DIS3L2: variants seen among roughly 807,000 people sequenced by gnomAD.
The protein encoded by DIS3L2 is DIS3-like exonuclease 2.
A neutral mutation model predicts 97.5 loss-of-function variants in DIS3L2; 34 were observed. The ratio of observed to expected loss-of-function variants is 0.35; its 90% CI spans 0.27 to 0.46. The LOEUF is 0.46. Among genes scored for constraint, DIS3L2 ranks in the 20% least tolerant of loss-of-function variants. DIS3L2 has a pLI of 1.00. For synonymous variants in DIS3L2, 435 were observed against 445.2 expected, an observed-to-expected ratio of 0.98 and a Z score of 0.29; for missense variants, 1,038 against 1,146.0, an observed-to-expected ratio of 0.91 and a Z score of 1.36.
At chr2:232,102,653 A>T (rs1229443247) in intron 6 of DIS3L2, among the ~76,000 whole-genome samples, 1 of 152,232 alleles carries the variant, frequency 6.6e-6, no homozygotes, top group East Asian at 1.9e-4. Context: ...TAATTGGTGA[A>T]TCAATAGGTG....
chr2:232,341,541 T>A (rs572890440), downstream of DIS3L2, among the ~76,000 whole-genome samples: 2 of 152,310 alleles, frequency 1.3e-5, no homozygotes, highest in African/African-American at 4.8e-5. Flanking sequence ...GTCATCACCA[T>A]AGAAATGCCG....
intron 8 of DIS3L2, 36 bp downstream of exon 8, chr2:232,136,755 A>G: frequency 1.2e-6 from 2 of 1,606,810 alleles, no homozygotes; most frequent in Non-Finnish European, 1.7e-6. Flanking sequence ...CACAGGTCAC[A>G]GGCAGAACTC....
rs772769946 is a variant in DIS3L2, at chr2:232,336,463, G to A, written c.2497-6G>A. The stretch of plus-strand genomic sequence containing the variant: ...CCTTGTCCCCTCACGGCTGGGCTCT[G>A]CACAGGTCATCACCATCTTCAGCCT... On this transcript the variant is annotated splice_polypyrimidine_tract_variant and splice_region_variant and intron_variant, in intron 20 of 20. Coordinates refer to ENST00000325385, the MANE Select transcript of DIS3L2 (RefSeq NM_152383.5). The A allele has an allele frequency of 6.2e-7, 1 of 1,608,516 alleles. No individual in the cohort carries two copies. The highest frequency in any genetic ancestry group is 8.5e-7 in the Non-Finnish European group (1 of 1,178,176).
chr2:232,121,230 G>C (rs576754400), intron 6 of DIS3L2, among the ~76,000 whole-genome samples: 3 of 152,264 alleles, frequency 2.0e-5, no homozygotes, highest in African/African-American at 7.2e-5. Context: ...AGGCCACACT[G>C]CTGACTACAC....
chr2:232,002,608 C>T (rs1358236831), intron 1 of DIS3L2, among the ~76,000 whole-genome samples: 1 of 152,102 alleles, frequency 6.6e-6, no homozygotes, highest in Non-Finnish European at 1.5e-5. Context: ...CATTTTTAGG[C>T]CATTTCCCCC....
chr2:232,274,564 A>G (rs1417002244), intron 13 of DIS3L2, among the ~76,000 whole-genome samples: 1 of 152,220 alleles, frequency 6.6e-6, no homozygotes, highest in Non-Finnish European at 1.5e-5. Context: ...TGCGAAGGCC[A>G]GAATCCTTTT....
chr2:232,181,270 G>A (rs998467024), intron 9 of DIS3L2, among the ~76,000 whole-genome samples: 27 of 151,822 alleles, frequency 1.8e-4, no homozygotes, highest in African/African-American at 2.9e-4. Flanking sequence ...CTACTTTGGC[G>A]AATCTGACAA....
chr2:231,972,046 G>A (rs1379259143), intron 1 of DIS3L2, among the ~76,000 whole-genome samples: 1 of 151,596 alleles, frequency 6.6e-6, no homozygotes, highest in Non-Finnish European at 1.5e-5. Context: ...TTAGCAGGGC[G>A]TGGTGGTGTG....
intron 5 of DIS3L2, among the ~76,000 whole-genome samples, chr2:232,034,097 C>T (rs1440716797): frequency 6.6e-6 from 1 of 152,142 alleles, no homozygotes; most frequent in Non-Finnish European, 1.5e-5. Context: ...CCATCTGGTC[C>T]TGGGCCTTTT....
Position 232,293,504 on chromosome 2 carries a change from G to A in DIS3L2, c.1660-6536G>A, listed in dbSNP as rs1694652443. Among the ~76,000 whole-genome samples the A allele has an allele frequency of 6.6e-6, 1 of 152,184 alleles. No individual in the cohort carries two copies. The highest frequency in any genetic ancestry group is 1.5e-5 in the Non-Finnish European group (1 of 68,026). The stretch of plus-strand genomic sequence containing the variant: ...AAGGGCTCCCCTGGAAGCAGGTGGA[G>A]CATGAGGAAGGGCACAGAGGCCTAA... On this transcript the variant is annotated intron_variant, in intron 13 of 20. Transcript: ENST00000325385. This position sits in a 1 kb window ranked among gnomAD's most constrained non-coding sequence, Gnocchi z 4.6.
intron 14 of DIS3L2, among the ~76,000 whole-genome samples, chr2:232,316,812 A>G (rs1466012563): frequency 6.6e-6 from 1 of 152,238 alleles, no homozygotes; most frequent in East Asian, 1.9e-4. Flanking sequence ...TTTAATCTAA[A>G]TCTGTTTCCT....
At chr2:232,164,020 C>G (rs1435014856) in intron 9 of DIS3L2, among the ~76,000 whole-genome samples, 1 of 152,160 alleles carries the variant, frequency 6.6e-6, no homozygotes, top group Non-Finnish European at 1.5e-5. Flanking sequence ...TTAGTTGCAA[C>G]CAAGACCATA....
chr2:232,210,322 C>T lies in DIS3L2; in HGVS notation c.1125-4C>T. On this transcript the variant is annotated splice_polypyrimidine_tract_variant and splice_region_variant and intron_variant, in intron 9 of 20. Coordinates refer to ENST00000325385, the MANE Select transcript of DIS3L2 (RefSeq NM_152383.5). ...TTGCTAATTGTTTCTTCACTCTTTCCTAGAAAAGACTGTATCTTCACCATT... is the reference window on the plus strand; with the variant it reads ...TTGCTAATTGTTTCTTCACTCTTTCTTAGAAAAGACTGTATCTTCACCATT... The T allele has an allele frequency of 6.2e-7, 1 of 1,612,564 alleles. No individual in the cohort carries two copies. The highest frequency in any genetic ancestry group is 8.5e-7 in the Non-Finnish European group (1 of 1,178,782).
chr2:232,040,702 T>G (rs1352992546), intron 5 of DIS3L2, among the ~76,000 whole-genome samples: 3 of 152,232 alleles, frequency 2.0e-5, no homozygotes, highest in South Asian at 4.1e-4. Flanking sequence ...GTACTGTGTT[T>G]AGTGTCTTGT....
intron 13 of DIS3L2, among the ~76,000 whole-genome samples, chr2:232,282,622 T>C (rs1318387668): frequency 6.6e-6 from 1 of 152,208 alleles, no homozygotes; most frequent in East Asian, 1.9e-4. Flanking sequence ...TTCAGGCCAT[T>C]GTCCCCTTCT....
At chr2:232,196,720 T>C (rs1336094090) in intron 9 of DIS3L2, among the ~76,000 whole-genome samples, 3 of 151,344 alleles carry the variant, frequency 2.0e-5, no homozygotes, top group African/African-American at 7.3e-5. Context: ...GAAAAGAAAT[T>C]CTGGGTAATG....
At chr2:232,236,008 C>T (rs1692922701) in intron 10 of DIS3L2, among the ~76,000 whole-genome samples, 1 of 152,152 alleles carries the variant, frequency 6.6e-6, no homozygotes, top group Non-Finnish European at 1.5e-5. Context: ...TTATGTTACC[C>T]CATAGCAGCC....
chr2:232,288,376 T>C (rs946202866), intron 13 of DIS3L2, among the ~76,000 whole-genome samples: 7 of 152,248 alleles, frequency 4.6e-5, no homozygotes, highest in Admixed American at 2.0e-4. Flanking sequence ...CTAACTGATA[T>C]AGCAGGGGCT....
At chr2:232,148,772 T>TTTA (rs1553611302) in intron 8 of DIS3L2, among the ~76,000 whole-genome samples, 3 of 135,446 alleles carry the variant, frequency 2.2e-5, no homozygotes, top group East Asian at 6.1e-4. Context: ...TTTTTTTTTT[T>TTTA]ACACAGCCTT....
Sources: gnomAD v4.1 joint callset for allele counts (sites outside exome capture counted in the v4.1 genomes callset) on GRCh38, gnomAD v4.1.1 for gene constraint, Gnocchi (gnomAD v3.1) non-coding constraint, MANE v1.5 for transcripts, NCBI Gene and HGNC (gene_info 2026-07-23, HGNC 2026-07-21) for gene names.